OSBP2: variants seen among roughly 807,000 people sequenced by gnomAD.
OSBP2 encodes oxysterol-binding protein 2.
A neutral mutation model predicts 96.0 loss-of-function variants in OSBP2; 66 were observed. That is an observed-to-expected ratio of 0.69 (90% CI 0.56 to 0.84). The LOEUF (loss-of-function observed/expected upper bound fraction) is 0.84. Ranked by LOEUF, OSBP2 falls within the 40% of genes least tolerant of loss-of-function variation. The pLI, the probability that OSBP2 is intolerant of heterozygous loss-of-function variation, is 0.00. For synonymous variants in OSBP2, 525 were observed against 520.9 expected (o/e 1.01, Z -0.11); for missense variants, 1,038 against 1,222.7 (o/e 0.85, Z 2.25).
At chr22:30,712,378 C>A (rs961998626) in intron 1 of OSBP2, among the ~76,000 whole-genome samples, 3 of 152,118 alleles carry the variant, frequency 2.0e-5, no homozygotes, top group African/African-American at 7.2e-5. Flanking sequence ...CCTTCATTTG[C>A]CCTGGGAGGA....
chr22:30,748,758 C>G (rs2090038243), intron 2 of OSBP2, among the ~76,000 whole-genome samples: 1 of 152,196 alleles, frequency 6.6e-6, no homozygotes, highest in Non-Finnish European at 1.5e-5. Flanking sequence ...TTAGAGACTA[C>G]TCAGTTACAG....
chr22:30,820,639 A>G (rs185945281), intron 2 of OSBP2, among the ~76,000 whole-genome samples: 81 of 152,282 alleles, frequency 5.3e-4, no homozygotes, highest in African/African-American at 1.6e-3. Flanking sequence ...TCTGTAAAAG[A>G]GGGTGTTGGT....
intron 2 of OSBP2, among the ~76,000 whole-genome samples, chr22:30,846,804 A>G (rs957125806): frequency 1.3e-5 from 2 of 152,106 alleles, no homozygotes; most frequent in Non-Finnish European, 2.9e-5. Flanking sequence ...ACCTCACTTA[A>G]TATGTGTTAT....
intron 1 of OSBP2, among the ~76,000 whole-genome samples, chr22:30,724,291 C>T (rs1280779685): frequency 6.6e-6 from 1 of 152,180 alleles, no homozygotes; most frequent in Non-Finnish European, 1.5e-5. Flanking sequence ...GATCTCAGCT[C>T]ACTGCAACCT....
Position 30,856,722 on chromosome 22 carries a change from T to C in OSBP2, c.854-13707T>C, listed in dbSNP as rs557699776. ...CATTTTTGAGGAACAATTATTCACC[T>C]TTAGGTTTTTGAAAAATACCATCAC... On this transcript the variant is annotated intron_variant, in intron 2 of 13. Coordinates refer to ENST00000332585, the MANE Select transcript of OSBP2 (RefSeq NM_030758.4). Among the ~76,000 whole-genome samples the C allele has an allele frequency of 4.7e-4, 72 of 152,182 alleles. 2 individuals are homozygous for C. The South Asian group carries it at 6.4e-3, about 14-fold the overall frequency.
intron 2 of OSBP2, among the ~76,000 whole-genome samples, chr22:30,869,299 G>T (rs1047630740): frequency 6.6e-6 from 1 of 152,218 alleles, no homozygotes; most frequent in Non-Finnish European, 1.5e-5. Flanking sequence ...CAGGCAGTGT[G>T]GGTATGACTT....
At chr22:30,761,600 GA>G (rs2090205424) in intron 2 of OSBP2, among the ~76,000 whole-genome samples, 1 of 152,084 alleles carries the variant, frequency 6.6e-6, no homozygotes, top group Non-Finnish European at 1.5e-5. Flanking sequence ...ACATTTATAT[GA>G]AAAGATAAAG....
At chr22:30,763,505 G>C (rs1299564943) in intron 2 of OSBP2, among the ~76,000 whole-genome samples, 1 of 152,098 alleles carries the variant, frequency 6.6e-6, no homozygotes, top group Non-Finnish European at 1.5e-5. Context: ...AATTATCCAG[G>C]TGTGGTGGTG....
At chr22:30,694,865 C>G (rs1042637852), upstream of OSBP2, 7 of 956,998 alleles carry the variant, frequency 7.3e-6, no homozygotes, top group East Asian at 7.3e-5. Context: ...CGGCCTGCCC[C>G]CCGCCCCCAC....
Position 30,768,892 on chromosome 22 carries a change from C to T in OSBP2, c.853+27523C>T, listed in dbSNP as rs773155666. On this transcript the variant is annotated intron_variant, in intron 2 of 13. Transcript: ENST00000332585. ...CACGTGGATCTGTAGGCATGAGCAC[C>T]GGACTCTGATGCAGGCAAGGCTGTC... Among the ~76,000 whole-genome samples, 6 of 152,290 alleles carry T rather than the reference C, an allele frequency of 3.9e-5. No homozygotes were observed. The South Asian group carries it at 6.2e-4, about 16-fold the overall frequency.
intron 1 of OSBP2, among the ~76,000 whole-genome samples, chr22:30,700,382 C>T (rs956304235): frequency 1.5e-4 from 22 of 151,586 alleles, no homozygotes; most frequent in South Asian, 1.3e-3. Context: ...TTTTTAATTG[C>T]GGGAAGTTCC....
At chr22:30,786,503 C>T (rs2090592280) in intron 2 of OSBP2, among the ~76,000 whole-genome samples, 1 of 152,004 alleles carries the variant, frequency 6.6e-6, no homozygotes, top group South Asian at 2.1e-4. Flanking sequence ...GATGCAATGG[C>T]CCAATGCTTC....
intron 2 of OSBP2, among the ~76,000 whole-genome samples, chr22:30,761,375 T>C (rs867142284): frequency 4.3e-4 from 65 of 152,302 alleles, no homozygotes; most frequent in African/African-American, 1.5e-3. Flanking sequence ...TACTTAGATA[T>C]AATTATAACA....
intron 2 of OSBP2, among the ~76,000 whole-genome samples, chr22:30,826,040 CTG>C (rs911575822): frequency 7.2e-5 from 11 of 152,074 alleles, no homozygotes; most frequent in Non-Finnish European, 1.2e-4. Flanking sequence ...GCATCGGCCT[CTG>C]TGAGTGGCTG....
chr22:30,882,025 C>T (rs1226568515), intron 3 of OSBP2, among the ~76,000 whole-genome samples: 2 of 152,176 alleles, frequency 1.3e-5, no homozygotes, highest in Non-Finnish European at 1.5e-5. Flanking sequence ...GCCCAGCTGT[C>T]CTAGGGACTT....
intron 3 of OSBP2, chr22:30,872,308 G>A (rs1323022837): frequency 4.4e-6 from 2 of 456,624 alleles, no homozygotes; most frequent in Non-Finnish European, 4.4e-6. Context: ...GTCCCTCCCA[G>A]AAGCCACTGC....
At chr22:30,887,403 T>C (rs752189391) in intron 3 of OSBP2, 23 bp from the exon 4 acceptor site, 3 of 1,603,552 alleles carry the variant, frequency 1.9e-6, no homozygotes, top group East Asian at 4.5e-5. Context: ...CAGGGTCTCA[T>C]ACCGCCACTC....
At chr22:30,739,237 G>A (rs945764422) in intron 1 of OSBP2, among the ~76,000 whole-genome samples, 5 of 152,120 alleles carry the variant, frequency 3.3e-5, no homozygotes, top group African/African-American at 1.2e-4. Flanking sequence ...TTATAAGTCC[G>A]TTGTTATGAG....
intron 2 of OSBP2, among the ~76,000 whole-genome samples, chr22:30,748,285 G>T (rs1168994453): frequency 6.6e-6 from 1 of 152,078 alleles, no homozygotes; most frequent in Non-Finnish European, 1.5e-5. Flanking sequence ...TCCTGAGGCC[G>T]GTCTTGAACT....
Sources: allele counts gnomAD v4.1 joint callset (sites outside exome capture counted in the v4.1 genomes callset), GRCh38; gene constraint gnomAD v4.1.1; transcripts MANE v1.5; gene names NCBI Gene and HGNC (gene_info 2026-07-23, HGNC 2026-07-21).